The following ITCH variants were observed in gnomAD, a reference collection of about 807,000 sequenced individuals.
The protein encoded by ITCH is E3 ubiquitin-protein ligase Itchy homolog.
In ITCH, 28 loss-of-function variants were observed where a neutral mutation model predicts 126.8. That is an observed-to-expected ratio of 0.22 (90% CI 0.16 to 0.30). ITCH has a LOEUF of 0.30. ITCH is among the 10% of genes least tolerant of loss of function. The pLI is 1.00. For synonymous variants in ITCH, 342 were observed against 340.0 expected, an observed-to-expected ratio of 1.01 and a Z score of -0.06; for missense variants, 631 against 1,032.4, an observed-to-expected ratio of 0.61 and a Z score of 5.33.
intron 13 of ITCH, among the ~76,000 whole-genome samples, chr20:34,457,748 G>C (rs1024754656): frequency 6.6e-6 from 1 of 152,142 alleles, no homozygotes; most frequent in Non-Finnish European, 1.5e-5. Context: ...TTTGAGGCCA[G>C]GAAGACCTGC....
At chr20:34,376,913 C>T (rs974941097) in intron 2 of ITCH, among the ~76,000 whole-genome samples, 1 of 152,078 alleles carries the variant, frequency 6.6e-6, no homozygotes, top group Non-Finnish European at 1.5e-5. Context: ...AGCTTTTTCT[C>T]TATTGACTTT....
chr20:34,424,656 G>A (rs527367963), intron 7 of ITCH, 131 bp downstream of exon 7: 3 of 827,392 alleles, frequency 3.6e-6, no homozygotes, highest in South Asian at 1.4e-5. Flanking sequence ...CTCAAGAAGG[G>A]AAATATTTGC....
At position 34,374,179 on chromosome 20, in the gene ITCH, T is replaced by TGTTA. The variant is rs1252217738; in HGVS notation, c.-22+4711_-22+4714dup. Among the ~76,000 whole-genome samples the TGTTA allele has an allele frequency of 5.9e-5, 9 of 152,322 alleles. No homozygotes were observed. In the East Asian group the frequency reaches 1.7e-3, roughly 29 times the overall value. On this transcript the variant is annotated intron_variant, in intron 2 of 24. Transcript: ENST00000374864. ...GCATTTAGGTGAACTTTGATTTGCTTGTTAGGCCTTCATTCGTGCAAAGAA... is the reference window on the plus strand; with the variant it reads ...GCATTTAGGTGAACTTTGATTTGCTTGTTAGTTAGGCCTTCATTCGTGCAAAGAA...
chr20:34,402,437 T>G (rs1601815514), intron 3 of ITCH: 13 of 771,148 alleles, frequency 1.7e-5, no homozygotes, highest in Admixed American at 1.4e-4. Context: ...TTTCACATTT[T>G]CAAATGAAAA....
chr20:34,496,943 A>G (rs1184824995), intron 23 of ITCH, among the ~76,000 whole-genome samples: 3 of 151,934 alleles, frequency 2.0e-5, no homozygotes, highest in Non-Finnish European at 4.4e-5. Flanking sequence ...TTTTTAGCAT[A>G]TAGATTTCTG....
At chr20:34,500,470 T>C (rs567569786) in intron 23 of ITCH, among the ~76,000 whole-genome samples, 1 of 152,358 alleles carries the variant, frequency 6.6e-6, no homozygotes, top group Admixed American at 6.5e-5. Context: ...TTGCCTGATA[T>C]ATGTATAGCT....
chr20:34,409,961 T>C (rs1978747963), intron 4 of ITCH, among the ~76,000 whole-genome samples: 1 of 151,466 alleles, frequency 6.6e-6, no homozygotes, highest in African/African-American at 2.4e-5. Context: ...GGCCAGGAGT[T>C]CAAAGGTGCA....
chr20:34,411,205 G>A (rs1191051684), intron 4 of ITCH, among the ~76,000 whole-genome samples: 3 of 152,152 alleles, frequency 2.0e-5, no homozygotes, highest in Non-Finnish European at 4.4e-5. Flanking sequence ...AGGCTGGAGT[G>A]CAGTGGCGCG....
At position 34,382,908 on chromosome 20, in the gene ITCH, T is replaced by G. The variant is rs528622833; in HGVS notation, c.-21-10883T>G. ...ACAGGCACGCACCGCCACGCCTGGC[T>G]AATTTTTGTATTTTTAGTAGAAACG... On this transcript the variant is annotated intron_variant, in intron 2 of 24. Transcript: ENST00000374864. 1.2e-3 allele frequency among the ~76,000 whole-genome samples: 185 copies of G among 151,610 alleles called. 1 individual carries two copies. The highest frequency in any genetic ancestry group is 4.3e-3 in the African/African-American group (178 of 41,294).
At chr20:34,412,767 C>A in intron 5 of ITCH, 128 bp downstream of exon 5, 1 of 735,706 alleles carries the variant, frequency 1.4e-6, no homozygotes, top group Non-Finnish European at 2.2e-6. Context: ...ATAGGATGAA[C>A]AGATAGAAGA....
chr20:34,490,915 G>C (rs908970472), intron 22 of ITCH, among the ~76,000 whole-genome samples: 2 of 152,190 alleles, frequency 1.3e-5, no homozygotes, highest in Non-Finnish European at 2.9e-5. Context: ...GACACAAAAT[G>C]TGGTATATGC....
intron 16 of ITCH, among the ~76,000 whole-genome samples, chr20:34,474,859 C>T (rs1389452016): frequency 2.6e-5 from 4 of 151,794 alleles, no homozygotes; most frequent in Non-Finnish European, 2.9e-5. Flanking sequence ...ACTTCCCAGA[C>T]GGGGCGGCTG....
intron 20 of ITCH, among the ~76,000 whole-genome samples, chr20:34,481,959 C>T (rs929065444): frequency 1.3e-5 from 2 of 152,172 alleles, no homozygotes; most frequent in African/African-American, 4.8e-5. Flanking sequence ...TGCAGTGAGC[C>T]AGGATAGCAC....
chr20:34,372,059 C>T (rs2037651998), intron 2 of ITCH, among the ~76,000 whole-genome samples: 2 of 151,972 alleles, frequency 1.3e-5, no homozygotes, highest in South Asian at 4.1e-4. Context: ...GTAATCCTAG[C>T]ACTTTGGGAG....
At chr20:34,494,306 A>G (rs956583061) in intron 23 of ITCH, among the ~76,000 whole-genome samples, 1 of 152,196 alleles carries the variant, frequency 6.6e-6, no homozygotes, top group East Asian at 1.9e-4. Flanking sequence ...AGAAAGAAAT[A>G]GTATACTGTC....
At chr20:34,392,419 A>G (rs950891391) in intron 2 of ITCH, among the ~76,000 whole-genome samples, 1 of 152,210 alleles carries the variant, frequency 6.6e-6, no homozygotes, top group Non-Finnish European at 1.5e-5. Context: ...TTGAGACGAA[A>G]TTTTAGCTTT....
intron 20 of ITCH, among the ~76,000 whole-genome samples, chr20:34,485,337 A>G (rs76614064): frequency 2.2e-4 from 33 of 152,296 alleles, no homozygotes; most frequent in African/African-American, 6.5e-4. Flanking sequence ...GTTTGACTTT[A>G]TTAGAAACTG....
intron 14 of ITCH, among the ~76,000 whole-genome samples, chr20:34,463,735 G>A (rs891969220): frequency 6.7e-5 from 10 of 148,956 alleles, no homozygotes; most frequent in Non-Finnish European, 3.0e-5. Flanking sequence ...TATGCTTCTT[G>A]GCTATTTGTG....
chr20:34,404,337 A>G (rs1400530587), intron 3 of ITCH, among the ~76,000 whole-genome samples: 1 of 151,890 alleles, frequency 6.6e-6, no homozygotes, highest in Non-Finnish European at 1.5e-5. Context: ...TTGAGATTTG[A>G]ATACTGAAAT....
Sources: gnomAD v4.1 joint callset for allele counts (sites outside exome capture counted in the v4.1 genomes callset) on GRCh38, gnomAD v4.1.1 for gene constraint, MANE v1.5 for transcripts, NCBI Gene and HGNC (gene_info 2026-07-23, HGNC 2026-07-21) for gene names.